Variants in PLB1 observed in about 807,000 individuals in gnomAD.
PLB1 encodes the protein phospholipase B1, membrane-associated.
In PLB1, 242 loss-of-function variants were observed where a neutral mutation model predicts 227.4. The observed-to-expected ratio is 1.06, with a 90% confidence interval of 0.96 to 1.18. PLB1 has a LOEUF of 1.18. Ranked by LOEUF, PLB1 falls within the 50% of genes most tolerant of loss-of-function variation. The pLI is 0.00. For synonymous variants in PLB1, 757 were observed against 682.2 expected (o/e 1.11, Z -1.71); for missense variants, 1,858 against 1,816.3 (o/e 1.02, Z -0.42).
chr2:28,569,335 A>G (rs1246256175), intron 20 of PLB1, among the ~76,000 whole-genome samples: 1 of 152,208 alleles, frequency 6.6e-6, no homozygotes, highest in East Asian at 1.9e-4. Flanking sequence ...TGTATTGAGC[A>G]TTATATGAGG....
At position 28,570,210 on chromosome 2, in the gene PLB1, G is replaced by A. The variant is rs140289522; in HGVS notation, c.1325-2987G>A. On this transcript the variant is annotated intron_variant, in intron 20 of 57. Coordinates refer to ENST00000327757, the MANE Select transcript of PLB1 (RefSeq NM_153021.5). ...TACCCTGATAGCAAAATAAGACAAA[G>A]ACATCACAAGGGAAGAAAAGTATGA... 8.7e-3 allele frequency among the ~76,000 whole-genome samples: 1,327 copies of A among 151,818 alleles called. 12 individuals carry two copies. The highest frequency in any genetic ancestry group is 0.015 in the Non-Finnish European group (992 of 67,936).
chr2:28,541,099 C>G (rs11691391), intron 12 of PLB1, among the ~76,000 whole-genome samples: 147,035 of 152,118 alleles, frequency 0.97, 71,136 homozygotes, highest in East Asian at 0.99. Context: ...TTGAGCTTGG[C>G]AGGTGGAGGT....
intron 1 of PLB1, among the ~76,000 whole-genome samples, chr2:28,516,261 C>G (rs1162896866): frequency 6.6e-6 from 1 of 152,128 alleles, no homozygotes; most frequent in Non-Finnish European, 1.5e-5. Flanking sequence ...TTGCCATCTC[C>G]CTACCTGCCT....
chr2:28,519,847 C>T (rs930565134), intron 4 of PLB1, 84 bp downstream of exon 4: 19 of 1,060,358 alleles, frequency 1.8e-5, no homozygotes, highest in Admixed American at 9.7e-5. Flanking sequence ...CTGGGCAGAA[C>T]GTTTCATTTT....
rs754391872 is a variant in PLB1, at chr2:28,593,766, C to T, written c.2321+12C>T. The T allele has an allele frequency of 2.5e-6, 4 of 1,609,786 alleles. No homozygotes were observed. The African/African-American group carries it at 4.0e-5, about 16-fold the overall frequency. On this transcript the variant is annotated intron_variant, in intron 33 of 57. Transcript: ENST00000327757. ...GGACTGTCATACAGGTAATGTTAAC[C>T]TTTGACCTCTCCCAGCGTTCCCCCC...
At chr2:28,621,777 G>A (rs769075756) in intron 49 of PLB1, among the ~76,000 whole-genome samples, 6 of 152,142 alleles carry the variant, frequency 3.9e-5, no homozygotes, top group East Asian at 1.9e-4. Context: ...GTTCCTCAAC[G>A]TCACGAGCAG....
At chr2:28,600,972 T>C in intron 36 of PLB1, 112 bp downstream of exon 36, 1 of 1,000,290 alleles carries the variant, frequency 1.0e-6, no homozygotes, top group Non-Finnish European at 1.5e-6. Flanking sequence ...ATTAGAGGCA[T>C]TCAAGCAGTG....
chr2:28,587,899 G>A (rs890803117), intron 26 of PLB1, among the ~76,000 whole-genome samples: 1 of 152,148 alleles, frequency 6.6e-6, no homozygotes, highest in Non-Finnish European at 1.5e-5. Context: ...GGGTTCAGAT[G>A]CTGAGCAGCT....
chr2:28,506,583 C>T (rs1667661361), intron 1 of PLB1, among the ~76,000 whole-genome samples: 1 of 152,194 alleles, frequency 6.6e-6, no homozygotes, highest in African/African-American at 2.4e-5. Context: ...TTTTATTTTA[C>T]ATTTACAAAA....
rs1481144417 is a variant in PLB1 at position 28,630,577 on chromosome 2, G to T, written c.3819-9G>T. The T allele has an allele frequency of 6.2e-7, 1 of 1,611,948 alleles. No individual in the cohort carries two copies. Among genetic ancestry groups the T allele is most frequent in the African/African-American group, 1.4e-5 (1 of 74,052 alleles). On this transcript the variant is annotated splice_polypyrimidine_tract_variant and intron_variant, in intron 53 of 57. Coordinates refer to ENST00000327757, the MANE Select transcript of PLB1 (RefSeq NM_153021.5). ...AGGCAGCCTCAATACAACACTCCCT[G>T]TCTCACAGGAACAACTGCACTTGCC...
intron 1 of PLB1, among the ~76,000 whole-genome samples, chr2:28,508,657 A>G (rs184452388): frequency 4.6e-5 from 7 of 152,296 alleles, no homozygotes; most frequent in Admixed American, 4.6e-4. Flanking sequence ...CACACAGGAG[A>G]TGACACTGGC....
At chr2:28,501,634 T>C (rs1667113874) in intron 1 of PLB1, among the ~76,000 whole-genome samples, 1 of 152,212 alleles carries the variant, frequency 6.6e-6, no homozygotes, top group Non-Finnish European at 1.5e-5. Flanking sequence ...ATTTCTGTCA[T>C]TCCTGTAGGT....
At chr2:28,529,968 GTTGT>G (rs1250747276) in intron 8 of PLB1, among the ~76,000 whole-genome samples, 189 bp downstream of exon 8, 1 of 152,116 alleles carries the variant, frequency 6.6e-6, no homozygotes, top group Admixed American at 6.6e-5. Flanking sequence ...CTTTTTTGTT[GTTGT>G]TTATTTTTAT....
chr2:28,526,281 C>T (rs1670252073), intron 6 of PLB1, among the ~76,000 whole-genome samples: 1 of 152,046 alleles, frequency 6.6e-6, no homozygotes, highest in Non-Finnish European at 1.5e-5. Context: ...AGACCCAGGG[C>T]TAGACTTCAT....
intron 4 of PLB1, among the ~76,000 whole-genome samples, chr2:28,523,899 A>G (rs571044942): frequency 3.3e-5 from 5 of 152,306 alleles, no homozygotes; most frequent in East Asian, 3.9e-4. Context: ...CCACAGCCCC[A>G]GGAGGCCTGC....
At chr2:28,559,018 C>T (rs761893300) in intron 17 of PLB1, among the ~76,000 whole-genome samples, 11 of 152,110 alleles carry the variant, frequency 7.2e-5, no homozygotes, top group South Asian at 2.1e-4. Flanking sequence ...AGCCATCACA[C>T]GCAGCCAAAT....
chr2:28,623,873 A>G (rs1687369163), intron 49 of PLB1, among the ~76,000 whole-genome samples: 1 of 152,230 alleles, frequency 6.6e-6, no homozygotes, highest in Non-Finnish European at 1.5e-5. Context: ...AGGCCAAGGT[A>G]GGCAGATTGC....
chr2:28,598,181 G>T, intron 34 of PLB1, 133 bp downstream of exon 34: 1 of 761,708 alleles, frequency 1.3e-6, no homozygotes, highest in Non-Finnish European at 2.1e-6. Context: ...GGAGACAGGA[G>T]GCTATGAAAA....
intron 1 of PLB1, among the ~76,000 whole-genome samples, chr2:28,502,643 G>T (rs958289798): frequency 2.0e-5 from 3 of 152,076 alleles, no homozygotes; most frequent in Admixed American, 6.5e-5. Context: ...AATTGTTTCA[G>T]GTTATTTTTC....
Sources: gnomAD v4.1 joint callset for allele counts (sites outside exome capture counted in the v4.1 genomes callset) on GRCh38, gnomAD v4.1.1 for gene constraint, MANE v1.5 for transcripts, NCBI Gene and HGNC (gene_info 2026-07-23, HGNC 2026-07-21) for gene names.